The following SCP2 variants were observed in gnomAD, a reference collection of about 807,000 sequenced individuals.
SCP2 encodes SCP-2/3-oxoacyl-CoA thiolase.
A neutral mutation model predicts 71.4 loss-of-function variants in SCP2; 48 were observed. That is an observed-to-expected ratio of 0.67 (90% CI 0.53 to 0.86). The LOEUF is 0.86. Ranked by LOEUF, SCP2 falls within the 40% of genes least tolerant of loss-of-function variation. The probability of loss-of-function intolerance (pLI) is 0.00; values close to 1 mark genes in which losing one functional copy is unlikely to be tolerated. For missense variants in SCP2, 560 were observed against 655.6 expected (o/e 0.85, Z 1.59); for synonymous variants, 220 against 218.1 (o/e 1.01, Z -0.08).
intron 3 of SCP2, among the ~76,000 whole-genome samples, chr1:52,950,170 G>A (rs1655163933): frequency 6.6e-6 from 1 of 152,052 alleles, no homozygotes. Context: ...CGCCCAGGCT[G>A]GAGTGCAGTG....
intron 11 of SCP2, among the ~76,000 whole-genome samples, chr1:52,996,978 C>T (rs1659979072): frequency 6.6e-6 from 1 of 151,742 alleles, no homozygotes; most frequent in Non-Finnish European, 1.5e-5. Flanking sequence ...AACTTGCTGC[C>T]TTTTTTCATA....
chr1:52,943,238 T>A (rs1654438661), intron 2 of SCP2, among the ~76,000 whole-genome samples: 1 of 151,940 alleles, frequency 6.6e-6, no homozygotes, highest in Non-Finnish European at 1.5e-5. Flanking sequence ...TTTTTTTTTT[T>A]TTGAGACGGA....
intron 1 of SCP2, among the ~76,000 whole-genome samples, chr1:52,928,041 T>C (rs983887963): frequency 5.9e-5 from 9 of 152,360 alleles, no homozygotes; most frequent in African/African-American, 1.9e-4. Flanking sequence ...GACGCAGTTG[T>C]CTGATGCCTC....
chr1:52,942,615 AT>A (rs71678999), intron 2 of SCP2, among the ~76,000 whole-genome samples: 5,319 of 148,894 alleles, frequency 0.036, 262 homozygotes, highest in African/African-American at 0.11. Flanking sequence ...TATATAAAGA[AT>A]TTTTTTTTTG....
At chr1:53,046,216 C>G (rs1156937716) in intron 14 of SCP2, among the ~76,000 whole-genome samples, 1 of 151,986 alleles carries the variant, frequency 6.6e-6, no homozygotes, top group Non-Finnish European at 1.5e-5. Flanking sequence ...GTATGTTTAG[C>G]TTTATGTGAA....
chr1:52,993,495 T>TA, intron 11 of SCP2: 1 of 1,613,138 alleles, frequency 6.2e-7, no homozygotes, highest in Non-Finnish European at 8.5e-7. Context: ...CTTTGAAACT[T>TA]ATAGATTTCT....
intron 6 of SCP2, among the ~76,000 whole-genome samples, chr1:52,968,059 G>C (rs377678874): frequency 1.4e-4 from 22 of 152,246 alleles, no homozygotes; most frequent in African/African-American, 5.1e-4. Flanking sequence ...TCCTGCCCCA[G>C]CCTCCTGAGT....
At chr1:52,960,456 C>A (rs555648994) in intron 5 of SCP2, among the ~76,000 whole-genome samples, 1 of 148,840 alleles carries the variant, frequency 6.7e-6, no homozygotes, top group South Asian at 2.1e-4. Context: ...CAGGCATGAC[C>A]CACCATGCCT....
At chr1:52,996,084 C>T (rs1659915326) in intron 11 of SCP2, 2 of 814,066 alleles carry the variant, frequency 2.5e-6, no homozygotes, top group South Asian at 4.9e-5. Context: ...ACTCACCTGC[C>T]CCTTTTCTCT....
At chr1:53,010,513 C>A (rs1194021925) in intron 11 of SCP2, among the ~76,000 whole-genome samples, 1 of 152,134 alleles carries the variant, frequency 6.6e-6, no homozygotes, top group African/African-American at 2.4e-5. Flanking sequence ...TCATTCTGAG[C>A]AAACTGTCGG....
chr1:52,929,012 C>A (rs1019729996), intron 1 of SCP2, among the ~76,000 whole-genome samples: 2 of 151,916 alleles, frequency 1.3e-5, no homozygotes, highest in Admixed American at 6.5e-5. Flanking sequence ...ATTCCTTTTT[C>A]CTCAAGTTGG....
chr1:53,025,431 G>A (rs1662054966), intron 12 of SCP2, among the ~76,000 whole-genome samples: 1 of 152,166 alleles, frequency 6.6e-6, no homozygotes, highest in Non-Finnish European at 1.5e-5. Context: ...CTGAGCTCCA[G>A]ACTCTCATAT....
intron 5 of SCP2, among the ~76,000 whole-genome samples, chr1:52,960,209 A>T (rs931924510): frequency 6.6e-6 from 1 of 151,774 alleles, no homozygotes; most frequent in Non-Finnish European, 1.5e-5. Flanking sequence ...TTTCTAGTTT[A>T]TTCTACTCAC....
rs558996395 is a variant in SCP2 at position 53,008,172 on chromosome 1, G to A, written c.1082-6718G>A. Among the ~76,000 whole-genome samples the A allele has an allele frequency of 2.4e-4, 37 of 152,262 alleles. 1 individual carries two copies. The East Asian group carries it at 6.2e-3, about 25-fold the overall frequency. ...AACCAAAAAAAGTCCAGGACCAGAC[G>A]GATTCACAGCCGAATTCTACCAGAG... On this transcript the variant is annotated intron_variant, in intron 11 of 15. Coordinates refer to ENST00000371514, the MANE Select transcript of SCP2 (RefSeq NM_002979.5).
intron 13 of SCP2, among the ~76,000 whole-genome samples, chr1:53,037,140 A>AAAT (rs1039649245): frequency 7.2e-5 from 11 of 152,094 alleles, no homozygotes; most frequent in Non-Finnish European, 1.3e-4. Context: ...CTGTCTCAAA[A>AAAT]AATAATAATA....
At chr1:52,954,912 T>A (rs1295559855) in intron 5 of SCP2, 108 bp downstream of exon 5, 1 of 858,754 alleles carries the variant, frequency 1.2e-6, no homozygotes, top group Non-Finnish European at 2.0e-6. Context: ...TAGTGAAGAA[T>A]CTTAGAGATA....
In SCP2 at chr1:52,929,197, C is replaced by CTTT. The variant is rs11438037; in HGVS notation, c.69+1746_69+1748dup. On this transcript the variant is annotated intron_variant, in intron 1 of 15. Transcript: ENST00000371514. ...ATATTGACTAGACAACACTGTAACA[C>CTTT]TTTTTTTTTTTTTTTTGGAAGACGG... Among the ~76,000 whole-genome samples, 407 of 135,878 alleles carry CTTT rather than the reference C, an allele frequency of 3.0e-3. 5 individuals are homozygous for CTTT. Among genetic ancestry groups the CTTT allele is most frequent in the African/African-American group, 0.011 (390 of 36,390 alleles). The allele number at this position is 135,878 out of a possible 152,430, so 89.1% of individuals were successfully genotyped here. A position where few individuals can be genotyped will look rare whatever the true frequency, so the allele number is the denominator to read the frequency against.
chr1:52,995,986 A>G, intron 11 of SCP2: 1 of 1,405,806 alleles, frequency 7.1e-7, no homozygotes. Flanking sequence ...ACCACAGAAG[A>G]GGAGGAGGAT....
Position 53,051,017 on chromosome 1 carries a change from A to G in SCP2, c.*313A>G, listed in dbSNP as rs1410145722. ...ATCCAAAGAACTATGTAAACAAAAA[A>G]GCTTTTGTTTTGCTTACAAAGTATA... On this transcript the variant is annotated 3_prime_UTR_variant, in exon 16 of 16. Transcript: ENST00000371514. 1 of 215,786 alleles carries G rather than the reference A, an allele frequency of 4.6e-6. No individual in the cohort carries two copies. The highest frequency in any genetic ancestry group is 2.3e-5 in the African/African-American group (1 of 42,942). 13.4% of individuals were successfully genotyped at this position (215,786 alleles called of 1,614,324 possible). A position where few individuals can be genotyped will look rare whatever the true frequency, so the allele number is the denominator to read the frequency against.
Sources: gnomAD v4.1 joint callset for allele counts (sites outside exome capture counted in the v4.1 genomes callset) on GRCh38, gnomAD v4.1.1 for gene constraint, MANE v1.5 for transcripts, NCBI Gene and HGNC (gene_info 2026-07-23, HGNC 2026-07-21) for gene names.